Variants in TENM3 observed in about 807,000 individuals in gnomAD.
TENM3 encodes teneurin-3.
TENM3 carries 63 observed loss-of-function variants against 255.1 expected under a neutral mutation model. The observed-to-expected ratio is 0.25, with a 90% CI of 0.20 to 0.30. The LOEUF is 0.30. Among genes scored for constraint, TENM3 ranks in the 10% least tolerant of loss-of-function variants. The pLI, the probability that TENM3 is intolerant of heterozygous loss-of-function variation, is 1.00. For synonymous variants in TENM3, 1,306 were observed against 1,322.3 expected, an observed-to-expected ratio of 0.99 and a Z score of 0.27; for missense variants, 2,929 against 3,461.1, an observed-to-expected ratio of 0.85 and a Z score of 3.86.
chr4:181,735,397 T>A, the TENM3 span, among the ~76,000 whole-genome samples: 1 of 152,200 alleles, frequency 6.6e-6, no homozygotes, highest in African/African-American at 2.4e-5. Context: ...ATAATTTAGA[T>A]GTCAAGAAAG....
intron 1 of TENM3, among the ~76,000 whole-genome samples, chr4:182,320,038 G>A (rs1762954723): frequency 6.6e-6 from 1 of 152,002 alleles, no homozygotes; most frequent in Non-Finnish European, 1.5e-5. Flanking sequence ...GCTTGAACAA[G>A]GGAGGCAGAG....
the TENM3 span, among the ~76,000 whole-genome samples, chr4:181,943,659 A>T: frequency 4.6e-5 from 7 of 152,322 alleles, no homozygotes; most frequent in African/African-American, 1.7e-4. Context: ...TTTGCCCGCC[A>T]GAATCTGGAG....
chr4:182,098,984 CAG>C, the TENM3 span, among the ~76,000 whole-genome samples: 3 of 84,602 alleles, frequency 3.5e-5, no homozygotes, highest in African/African-American at 1.4e-4. Flanking sequence ...TTTTTTTGGA[CAG>C]AGTCTCACTC....
chr4:182,529,560 A>C (rs1739567082), intron 3 of TENM3, among the ~76,000 whole-genome samples: 1 of 151,956 alleles, frequency 6.6e-6, no homozygotes, highest in African/African-American at 2.4e-5. Flanking sequence ...ACGTAGTATA[A>C]ATTTTTTCCA....
At chr4:182,544,287 G>A (rs186047535) in intron 3 of TENM3, among the ~76,000 whole-genome samples, 1 of 149,834 alleles carries the variant, frequency 6.7e-6, no homozygotes, top group East Asian at 2.0e-4. Context: ...TCCCCTGCAA[G>A]GCATTTTCCT....
At chr4:182,437,951 CAAATAAAT>C (rs200677040) in intron 3 of TENM3, among the ~76,000 whole-genome samples, 3 of 151,816 alleles carry the variant, frequency 2.0e-5, no homozygotes, top group Non-Finnish European at 2.9e-5. Context: ...GATCCTGTCT[CAAATAAAT>C]AAATAAATAA....
chr4:181,752,539 G>A, the TENM3 span, among the ~76,000 whole-genome samples: 3 of 151,796 alleles, frequency 2.0e-5, no homozygotes, highest in Non-Finnish European at 4.4e-5. Context: ...GCGACAGAGC[G>A]AGAATCCATT....
At chr4:181,522,135 A>C in the TENM3 span, among the ~76,000 whole-genome samples, 1 of 149,006 alleles carries the variant, frequency 6.7e-6, no homozygotes, top group Non-Finnish European at 1.5e-5. Flanking sequence ...AAAAAAGAAG[A>C]AGCTAATGTG....
At chr4:182,368,562 C>T (rs1291074631) in intron 3 of TENM3, among the ~76,000 whole-genome samples, 3 of 152,106 alleles carry the variant, frequency 2.0e-5, no homozygotes, top group African/African-American at 7.2e-5. Context: ...CATTTTGTCT[C>T]CAAACAGCAA....
the TENM3 span, chr4:181,975,680 A>G: frequency 1.5e-3 from 233 of 152,582 alleles, no homozygotes; most frequent in Non-Finnish European, 2.2e-3. Flanking sequence ...CAGGTGAGAG[A>G]TGGAGGGACT....
chr4:182,522,231 AATT>A (rs1439129919), intron 3 of TENM3, among the ~76,000 whole-genome samples: 1 of 152,242 alleles, frequency 6.6e-6, no homozygotes, highest in East Asian at 1.9e-4. Flanking sequence ...ATATACAGTG[AATT>A]ATTATTAACT....
the TENM3 span, among the ~76,000 whole-genome samples, chr4:181,629,691 T>C: frequency 1.3e-5 from 2 of 152,216 alleles, no homozygotes; most frequent in Admixed American, 6.5e-5. Context: ...GAAGCCCACT[T>C]GATCATGGTG....
At chr4:182,109,535 A>G in the TENM3 span, among the ~76,000 whole-genome samples, 14 of 152,304 alleles carry the variant, frequency 9.2e-5, no homozygotes, top group Middle Eastern at 0.01. Flanking sequence ...TAGAACCAAT[A>G]AAGACATCAA....
rs1351591778 is a variant in TENM3 at position 182,789,467 on chromosome 4, A to G, written c.5601+78A>G. The stretch of plus-strand genomic sequence containing the variant: ...AGCAATCATCCAGAGCACTAAGGGG[A>G]AAAAAAACAGTGGCACATGACTGAG... On this transcript the variant is annotated intron_variant, in intron 25 of 27. Coordinates refer to ENST00000511685, the MANE Select transcript of TENM3 (RefSeq NM_001080477.4). This position sits in a 1 kb window ranked among gnomAD's most constrained non-coding sequence, Gnocchi z 4.4. 6.8e-6 allele frequency: 9 copies of G among 1,331,590 alleles called. No individual in the cohort carries two copies. Among genetic ancestry groups the G allele is most frequent in the Non-Finnish European group, 7.2e-6 (7 of 976,084 alleles). The allele number at this position is 1,331,590 out of a possible 1,614,324, so 82.5% of individuals were successfully genotyped here.
At chr4:181,519,760 G>A in the TENM3 span, among the ~76,000 whole-genome samples, 7 of 152,142 alleles carry the variant, frequency 4.6e-5, no homozygotes. Context: ...AATTGTTCGT[G>A]GGGGCTGGGT....
At chr4:182,769,528 A>G (rs1935376337) in intron 22 of TENM3, among the ~76,000 whole-genome samples, 1 of 152,168 alleles carries the variant, frequency 6.6e-6, no homozygotes, top group East Asian at 1.9e-4. Context: ...TCACGCCTGT[A>G]ATCCCAGCAC....
At chr4:181,950,773 G>T in the TENM3 span, among the ~76,000 whole-genome samples, 1 of 152,194 alleles carries the variant, frequency 6.6e-6, no homozygotes, top group African/African-American at 2.4e-5. Flanking sequence ...AGACACAGTT[G>T]CTCATGCCTG....
chr4:182,334,297 A>C (rs1453318891), intron 2 of TENM3, among the ~76,000 whole-genome samples: 1 of 152,204 alleles, frequency 6.6e-6, no homozygotes, highest in Non-Finnish European at 1.5e-5. Flanking sequence ...CAGGACCTAA[A>C]TAAATAATCA....
At chr4:181,719,250 TG>T in the TENM3 span, among the ~76,000 whole-genome samples, 1 of 146,940 alleles carries the variant, frequency 6.8e-6, no homozygotes, top group African/African-American at 2.5e-5. Context: ...AAAATAAAAA[TG>T]AAAATATATA....
Sources: allele counts gnomAD v4.1 joint callset (sites outside exome capture counted in the v4.1 genomes callset), GRCh38; gene constraint gnomAD v4.1.1; non-coding constraint Gnocchi (gnomAD v3.1); transcripts MANE v1.5; gene names NCBI Gene and HGNC (gene_info 2026-07-23, HGNC 2026-07-21).